Variants in VIPAS39 observed in about 807,000 individuals in gnomAD.
VIPAS39 encodes VPS33B interacting protein, apical-basolateral polarity regulator, spe-39 homolog, also known as spermatogenesis-defective protein 39 homolog.
Under a neutral mutation model 84.7 loss-of-function variants are expected in VIPAS39, and 63 were observed. That is an observed-to-expected ratio of 0.74 (90% confidence interval 0.61 to 0.92). The LOEUF (loss-of-function observed/expected upper bound fraction) is 0.92, where lower values mean the gene tolerates loss of function less well. Among genes scored for constraint, VIPAS39 ranks in the 40% least tolerant of loss-of-function variants. VIPAS39 has a pLI of 0.00. For missense variants in VIPAS39, 499 were observed against 604.5 expected (o/e 0.83, Z 1.83); for synonymous variants, 192 against 216.5 (o/e 0.89, Z 0.99).
chr14:77,431,759 C>T (rs528986335), intron 16 of VIPAS39, among the ~76,000 whole-genome samples: 1 of 152,274 alleles, frequency 6.6e-6, no homozygotes, highest in South Asian at 2.1e-4. Flanking sequence ...TAAATGAAAT[C>T]ATCACCTCAT....
At chr14:77,434,046 T>C in intron 15 of VIPAS39, 115 bp from the exon 16 acceptor site, 8 of 1,329,294 alleles carry the variant, frequency 6.0e-6, no homozygotes, top group South Asian at 2.5e-5. Context: ...CTCTGCCCCT[T>C]AAAAATCAAA....
chr14:77,445,973 G>A (rs940390032), intron 7 of VIPAS39, among the ~76,000 whole-genome samples: 3 of 151,226 alleles, frequency 2.0e-5, no homozygotes, highest in African/African-American at 7.3e-5. Flanking sequence ...TATATATTCT[G>A]GATGAAAGTC....
rs1018824449 is a variant in VIPAS39 at position 77,440,945 on chromosome 14, T to C, written c.762+121A>G. On this transcript the variant is annotated intron_variant, in intron 11 of 19. Transcript: ENST00000557658. ...GTTGGCCAGGCTGGTCTTGAACTCC[T>C]GACCTCAGGTGATCCACCCACCTCG... 18 of 1,202,358 alleles carry C rather than the reference T, an allele frequency of 1.5e-5. No individual in the cohort carries two copies. In the Admixed American group the frequency reaches 2.7e-4, roughly 18 times the overall value. The allele number at this position is 1,202,358 out of a possible 1,614,324, so 74.5% of individuals were successfully genotyped here.
At chr14:77,445,871 C>T (rs1033720281) in intron 7 of VIPAS39, among the ~76,000 whole-genome samples, 2 of 149,184 alleles carry the variant, frequency 1.3e-5, no homozygotes, top group African/African-American at 2.5e-5. Flanking sequence ...ACCTGGGAGG[C>T]GTAGGTTGCA....
chr14:77,434,249 A>T lies in VIPAS39; in HGVS notation c.1089+13T>A. 1 of 1,613,772 alleles carries T rather than the reference A, an allele frequency of 6.2e-7. No homozygotes were observed. The highest frequency in any genetic ancestry group is 8.5e-7 in the Non-Finnish European group (1 of 1,179,704). On this transcript the variant is annotated intron_variant, in intron 15 of 19. Transcript: ENST00000557658. ...GATCACTAGTTTCATAACACTGACC[A>T]ATTTGTATCTACCTTAAATGTCTTC...
Position 77,435,312 on chromosome 14 carries a change from G to T in VIPAS39, c.994C>A (p.Pro332Thr). The change falls in exon 14 of 20, where the codon CCA becomes ACA. Residue 332 changes from proline to threonine, a missense_variant. Coordinates refer to ENST00000557658, the MANE Select transcript of VIPAS39 (RefSeq NM_001193315.2). The part of the protein sequence containing the change: ...HPRKASILNM[P>T]LVTTLFYSCF... ...GAGTAGAAAAGTGTTGTCACTAGTG[G>T]CATGTTGAGGATGGAGGCTTTGCGG... is the stretch of plus-strand genomic sequence containing the variant. The T allele has an allele frequency of 6.2e-7, 1 of 1,613,634 alleles. No homozygotes were observed. The highest frequency in any genetic ancestry group is 8.5e-7 in the Non-Finnish European group (1 of 1,179,934).
intron 16 of VIPAS39, among the ~76,000 whole-genome samples, chr14:77,431,581 T>C (rs902719763): frequency 2.6e-5 from 4 of 152,096 alleles, no homozygotes; most frequent in Admixed American, 1.3e-4. Flanking sequence ...GGAATGTAGA[T>C]TGGTGTAGCC....
At chr14:77,428,508 T>A (rs2078467336) in intron 18 of VIPAS39, 34 bp from the exon 19 acceptor site, 8 of 1,599,782 alleles carry the variant, frequency 5.0e-6, no homozygotes, top group African/African-American at 1.3e-5. Context: ...AAACCTCCAA[T>A]CAGCCTCTGT....
chr14:77,436,588 G>A (rs1458129836), intron 12 of VIPAS39, among the ~76,000 whole-genome samples: 1 of 152,098 alleles, frequency 6.6e-6, no homozygotes, highest in Non-Finnish European at 1.5e-5. Flanking sequence ...GGGACTACAG[G>A]CGTATGCTGC....
intron 8 of VIPAS39, 46 bp from the exon 9 acceptor site, chr14:77,443,198 G>C: frequency 6.2e-7 from 1 of 1,612,654 alleles, no homozygotes; most frequent in African/African-American, 1.3e-5. Flanking sequence ...CCAACACAGA[G>C]TCATGCCCTG....
At position 77,447,158 on chromosome 14, in the gene VIPAS39, G is replaced by T. The variant is rs145722421; in HGVS notation, c.504+1336C>A. Among the ~76,000 whole-genome samples the T allele has an allele frequency of 1.8e-4, 28 of 151,706 alleles. No homozygotes were observed. The East Asian group carries it at 4.8e-3, about 26-fold the overall frequency. On this transcript the variant is annotated intron_variant, in intron 7 of 19. Coordinates refer to ENST00000557658, the MANE Select transcript of VIPAS39 (RefSeq NM_001193315.2). ...TCTTGCCTCAGCCTCCTGAGAAGCT[G>T]TGATTTACAGGCATGTGCCACCACG...
chr14:77,444,257 TGAC>T lies in VIPAS39; in HGVS notation c.586_588del (p.Val196del). 4.3e-6 allele frequency: 7 copies of T among 1,613,518 alleles called. No individual in the cohort carries two copies. The highest frequency in any genetic ancestry group is 4.2e-6 in the Non-Finnish European group (5 of 1,179,522). ...CAAATCCGACAACTCACTGCAGTAATGACGTTTCCATCATGCATGCTTACTGCC... is the reference window on the plus strand; with the variant it reads ...CAAATCCGACAACTCACTGCAGTAATGTTTCCATCATGCATGCTTACTGCC... On this transcript the variant is annotated inframe_deletion, in exon 8 of 20. Transcript: ENST00000557658.
At chr14:77,432,265 T>C (rs1427817097) in intron 16 of VIPAS39, among the ~76,000 whole-genome samples, 1 of 152,066 alleles carries the variant, frequency 6.6e-6, no homozygotes, top group Non-Finnish European at 1.5e-5. Flanking sequence ...AGAAGAAAGA[T>C]AACAAGTGTT....
intron 7 of VIPAS39, among the ~76,000 whole-genome samples, chr14:77,447,608 T>C (rs1594918821): frequency 6.6e-6 from 1 of 152,194 alleles, no homozygotes; most frequent in Non-Finnish European, 1.5e-5. Context: ...TCACACCATA[T>C]GCAAAAATGA....
chr14:77,435,224 G>A, intron 14 of VIPAS39, 35 bp downstream of exon 14: 2 of 1,613,620 alleles, frequency 1.2e-6, no homozygotes, highest in South Asian at 1.1e-5. Flanking sequence ...TTTGTGCAAT[G>A]AGAGTTTGTG....
At chr14:77,435,453 G>T in intron 13 of VIPAS39, 60 bp from the exon 14 acceptor site, 1 of 1,596,910 alleles carries the variant, frequency 6.3e-7, no homozygotes, top group South Asian at 1.1e-5. Flanking sequence ...GTAGAGGCAG[G>T]AGAAAAATCT....
intron 10 of VIPAS39, among the ~76,000 whole-genome samples, chr14:77,441,418 T>C (rs1324613224): frequency 1.3e-5 from 2 of 152,084 alleles, no homozygotes; most frequent in African/African-American, 4.8e-5. Context: ...GTCAATACAA[T>C]CTTGAAAACA....
chr14:77,447,504 A>G (rs1305180850), intron 7 of VIPAS39, among the ~76,000 whole-genome samples: 4 of 152,026 alleles, frequency 2.6e-5, no homozygotes, highest in Admixed American at 6.6e-5. Context: ...CATCAGCAGG[A>G]TAATTCAATG....
Position 77,427,511 on chromosome 14 carries a change from G to A in VIPAS39, c.*105C>T. 1 of 1,450,596 alleles carries A rather than the reference G, an allele frequency of 6.9e-7. No individual in the cohort carries two copies. The highest frequency in any genetic ancestry group is 9.7e-7 in the Non-Finnish European group (1 of 1,033,480). 89.9% of individuals were successfully genotyped at this position (1,450,596 alleles called of 1,614,324 possible). A position where few individuals can be genotyped will look rare whatever the true frequency, so the allele number is the denominator to read the frequency against. On this transcript the variant is annotated 3_prime_UTR_variant, in exon 20 of 20. Transcript: ENST00000557658. Reference sequence around the variant, plus strand: ...GTAGCTGGCACTGCCCATGGGTAATGGGCCCAAGCGATGTGATGCCGCAGC... The same window carrying A: ...GTAGCTGGCACTGCCCATGGGTAATAGGCCCAAGCGATGTGATGCCGCAGC...
Sources: allele counts gnomAD v4.1 joint callset (sites outside exome capture counted in the v4.1 genomes callset), GRCh38; gene constraint gnomAD v4.1.1; transcripts MANE v1.5; gene names NCBI Gene and HGNC (gene_info 2026-07-23, HGNC 2026-07-21).